BLTP3B: variants seen among roughly 807,000 people sequenced by gnomAD.
The protein encoded by BLTP3B is bridge-like lipid transfer protein family member 3B, also known as UHRF1 (ICBP90) binding protein 1-like.
the BLTP3B span, among the ~76,000 whole-genome samples, chr12:100,121,165 T>C: frequency 6.6e-6 from 1 of 151,590 alleles, no homozygotes; most frequent in Non-Finnish European, 1.5e-5. Context: ...CTGACCAACA[T>C]GGAGGAACCC....
At chr12:100,115,164 G>C in the BLTP3B span, among the ~76,000 whole-genome samples, 19 of 152,166 alleles carry the variant, frequency 1.2e-4, no homozygotes, top group East Asian at 2.9e-3. Flanking sequence ...TCAGCACTTC[G>C]GAAGGCCAAG....
chr12:100,118,626 G>A, the BLTP3B span, among the ~76,000 whole-genome samples: 2 of 152,256 alleles, frequency 1.3e-5, no homozygotes, highest in South Asian at 4.1e-4. Flanking sequence ...TGAACCATAT[G>A]AATGTAAAAT....
the BLTP3B span, among the ~76,000 whole-genome samples, chr12:100,091,551 GGAGTGCAGTGGCAT>G: frequency 6.6e-6 from 1 of 151,432 alleles, no homozygotes; most frequent in Non-Finnish European, 1.5e-5. Context: ...TGCCCAGGCT[GGAGTGCAGTGGCAT>G]GATCTCGGCT....
the BLTP3B span, among the ~76,000 whole-genome samples, chr12:100,117,835 C>T: frequency 6.6e-6 from 1 of 152,108 alleles, no homozygotes; most frequent in East Asian, 1.9e-4. Context: ...CCATTTCAAG[C>T]CCATTCCCAG....
At chr12:100,142,512 C>T in the BLTP3B span, 1,116 of 1,502,082 alleles carry the variant, frequency 7.4e-4, 11 homozygotes, top group African/African-American at 0.014. Flanking sequence ...CCAGGCGCCG[C>T]CGCCCCCGAA....
the BLTP3B span, chr12:100,142,846 TCTTGGCTGCAGCATCACCTAAGAGACTC>T: frequency 1.6e-6 from 1 of 623,814 alleles, no homozygotes; most frequent in Non-Finnish European, 2.6e-6. Flanking sequence ...GCGGGCGCCA[TCTTGGCTGCAGCATCACCTAAGAGACTC>T]GGTGGAGGGC....
At chr12:100,047,703 A>G in the BLTP3B span, 1 of 1,234,150 alleles carries the variant, frequency 8.1e-7, no homozygotes, top group Non-Finnish European at 1.2e-6. Context: ...TGAGTTAAAG[A>G]TAACACATGT....
chr12:100,117,846 A>G, the BLTP3B span, among the ~76,000 whole-genome samples: 1 of 152,128 alleles, frequency 6.6e-6, no homozygotes, highest in African/African-American at 2.4e-5. Flanking sequence ...CCATTCCCAG[A>G]GATTCTGGTG....
the BLTP3B span, among the ~76,000 whole-genome samples, chr12:100,088,563 C>T: frequency 2.0e-5 from 3 of 152,128 alleles, no homozygotes; most frequent in East Asian, 5.8e-4. Context: ...TAAGTATGGA[C>T]TAAAATTTAA....
At chr12:100,099,204 G>A in the BLTP3B span, among the ~76,000 whole-genome samples, 2 of 151,762 alleles carry the variant, frequency 1.3e-5, no homozygotes, top group Non-Finnish European at 2.9e-5. Flanking sequence ...ATATTGGCCA[G>A]GCTGGTCTCA....
At chr12:100,093,985 T>C in the BLTP3B span, among the ~76,000 whole-genome samples, 2 of 152,218 alleles carry the variant, frequency 1.3e-5, no homozygotes, top group Non-Finnish European at 1.5e-5. Flanking sequence ...TTAACCTCTT[T>C]GTGAAACCTT....
chr12:100,050,040 A>G, the BLTP3B span: 1 of 954,388 alleles, frequency 1.0e-6, no homozygotes, highest in Non-Finnish European at 1.4e-6. Context: ...ACTAACTACT[A>G]ATAATAAGTA....
At chr12:100,065,699 T>C in the BLTP3B span, among the ~76,000 whole-genome samples, 2 of 152,174 alleles carry the variant, frequency 1.3e-5, no homozygotes, top group African/African-American at 4.8e-5. Context: ...TTGTTTAAGA[T>C]GTTTATCAAG....
At chr12:100,050,804 C>T in the BLTP3B span, among the ~76,000 whole-genome samples, 9 of 151,664 alleles carry the variant, frequency 5.9e-5, no homozygotes, top group Non-Finnish European at 1.2e-4. Flanking sequence ...AGAGTGAGAC[C>T]CTGTCTCTAA....
chr12:100,069,949 T>C, the BLTP3B span: 1 of 1,177,882 alleles, frequency 8.5e-7, no homozygotes, highest in Non-Finnish European at 1.0e-6. Flanking sequence ...AAAACAATTA[T>C]GGGGGCATGG....
At chr12:100,108,888 GA>G in the BLTP3B span, among the ~76,000 whole-genome samples, 22 of 152,150 alleles carry the variant, frequency 1.4e-4, no homozygotes, top group Non-Finnish European at 3.1e-4. Flanking sequence ...ATCAAGAGTA[GA>G]AATGATGGTC....
chr12:100,133,735 C>T, the BLTP3B span, among the ~76,000 whole-genome samples: 14 of 152,106 alleles, frequency 9.2e-5, no homozygotes, highest in Non-Finnish European at 7.3e-5. Flanking sequence ...ACCAAGCACC[C>T]AACAAGAATC....
chr12:100,052,269 C>T, the BLTP3B span, among the ~76,000 whole-genome samples: 8 of 151,964 alleles, frequency 5.3e-5, no homozygotes, highest in Non-Finnish European at 1.0e-4. Context: ...TCTCGAACTC[C>T]TGACCTCAAG....
At chr12:100,046,617 C>T in the BLTP3B span, among the ~76,000 whole-genome samples, 1 of 151,898 alleles carries the variant, frequency 6.6e-6, no homozygotes, top group Admixed American at 6.6e-5. Context: ...AGGAGAAATA[C>T]CTAATGTAAA....
Sources: gnomAD v4.1 joint callset for allele counts (sites outside exome capture counted in the v4.1 genomes callset) on GRCh38, gnomAD v4.1.1 for gene constraint, MANE v1.5 for transcripts, NCBI Gene and HGNC (gene_info 2026-07-23, HGNC 2026-07-21) for gene names.